NBAS: variants seen among roughly 807,000 people sequenced by gnomAD.
NBAS encodes the protein NAG/BC035112 fusion.
Under a neutral mutation model 302.5 loss-of-function variants are expected in NBAS, and 219 were observed. That is an observed-to-expected ratio of 0.72 (90% confidence interval 0.65 to 0.81). NBAS has a LOEUF of 0.81. NBAS is among the 30% of genes least tolerant of loss of function. The probability of loss-of-function intolerance (pLI) is 0.00; values close to 1 mark genes in which losing one functional copy is unlikely to be tolerated. For synonymous variants in NBAS, 1,118 were observed against 1,021.6 expected (o/e 1.09, Z -1.80); for missense variants, 2,932 against 2,841.6 (o/e 1.03, Z -0.72).
intron 25 of NBAS, among the ~76,000 whole-genome samples, chr2:15,404,075 T>A (rs1182700553): frequency 6.6e-6 from 1 of 152,132 alleles, no homozygotes; most frequent in Non-Finnish European, 1.5e-5. Context: ...GTACCATTTC[T>A]AAGTGTTTTG....
the NBAS span, among the ~76,000 whole-genome samples, chr2:14,954,265 G>A: frequency 6.6e-6 from 1 of 152,232 alleles, no homozygotes; most frequent in Admixed American, 6.5e-5. Context: ...GGTCTGCTAT[G>A]TGGAAAGTGT....
chr2:15,539,487 C>T, intron 6 of NBAS, 131 bp from the exon 7 acceptor site: 2 of 1,090,592 alleles, frequency 1.8e-6, no homozygotes, highest in South Asian at 1.4e-5. Flanking sequence ...TCTAATAAAG[C>T]TTCCCTCAAT....
chr2:15,131,862 C>T, the NBAS span, among the ~76,000 whole-genome samples: 3 of 152,254 alleles, frequency 2.0e-5, no homozygotes, highest in Non-Finnish European at 4.4e-5. Context: ...GCACATCACA[C>T]AGGGAGAGCA....
chr2:15,256,556 C>T (rs1230985298), intron 44 of NBAS, among the ~76,000 whole-genome samples: 1 of 152,100 alleles, frequency 6.6e-6, no homozygotes, highest in Non-Finnish European at 1.5e-5. Flanking sequence ...TCTTGTCTGA[C>T]TGCTCTGGCT....
intron 50 of NBAS, among the ~76,000 whole-genome samples, chr2:15,184,904 T>C (rs1407505955): frequency 6.6e-6 from 1 of 152,200 alleles, no homozygotes; most frequent in Non-Finnish European, 1.5e-5. Flanking sequence ...ATAAACTTCT[T>C]CAGACAATGA....
chr2:15,319,266 T>G (rs180944958), intron 38 of NBAS, among the ~76,000 whole-genome samples: 2 of 152,192 alleles, frequency 1.3e-5, no homozygotes, highest in Non-Finnish European at 2.9e-5. Context: ...GAGGGAACTT[T>G]ATAGCACTAA....
rs548300376 is a variant in NBAS, at chr2:15,478,851, A to G, written c.1084-562T>C. 4.9e-4 allele frequency among the ~76,000 whole-genome samples: 75 copies of G among 152,350 alleles called. 1 individual carries two copies. Among genetic ancestry groups the G allele is most frequent in the African/African-American group, 1.7e-3 (71 of 41,576 alleles). On this transcript the variant is annotated intron_variant, in intron 12 of 51. Transcript: ENST00000281513. ...TGGTGTCATGCTCTTCTTTGAGAAT[A>G]TAACAGCACATTGATATCTCTCAAA...
intron 12 of NBAS, among the ~76,000 whole-genome samples, chr2:15,488,612 C>T (rs759464147): frequency 1.3e-5 from 2 of 152,098 alleles, no homozygotes; most frequent in Non-Finnish European, 2.9e-5. Context: ...CCATTCTGTA[C>T]TTTTGAATGA....
At chr2:15,404,608 G>T (rs1041088849) in intron 25 of NBAS, among the ~76,000 whole-genome samples, 2 of 151,572 alleles carry the variant, frequency 1.3e-5, no homozygotes, top group Non-Finnish European at 2.9e-5. Flanking sequence ...CACCTCCCAG[G>T]TCCAAGCGAT....
chr2:14,812,502 A>T, the NBAS span, among the ~76,000 whole-genome samples: 8 of 152,316 alleles, frequency 5.3e-5, no homozygotes, highest in Middle Eastern at 3.4e-3. Flanking sequence ...AACATGTTCC[A>T]TAGTAGATAA....
the NBAS span, among the ~76,000 whole-genome samples, chr2:15,058,546 G>C: frequency 6.6e-6 from 1 of 152,160 alleles, no homozygotes; most frequent in Non-Finnish European, 1.5e-5. Context: ...ACAACATAAG[G>C]TTGAAGTTCC....
intron 28 of NBAS, among the ~76,000 whole-genome samples, chr2:15,384,159 T>C (rs928096054): frequency 2.2e-4 from 33 of 152,218 alleles, no homozygotes; most frequent in Admixed American, 1.4e-3. Flanking sequence ...TATAATCTGG[T>C]TGATTAAAAA....
rs776121825 is a variant in NBAS at position 15,167,158 on chromosome 2, C to T, written c.7006G>A (p.Glu2336Lys). The change falls in exon 52 of 52, where the codon GAG (glutamate) becomes AAG (lysine). Residue 2336 changes from glutamate to lysine, a missense_variant. By Grantham distance (56) the Glu-to-Lys change is moderately conservative. Coordinates refer to ENST00000281513, the MANE Select transcript of NBAS (RefSeq NM_015909.4). ...CCGGCTTCGGCTTCATGGCCGGCCT[C>T]CCGCAGGTGTCTGCCCAGCTCCTCT... ...DAEELGRHLREAGHEAEAGSL... is the reference protein window; with the variant it reads ...DAEELGRHLRKAGHEAEAGSL... 3.7e-6 allele frequency: 6 copies of T among 1,614,248 alleles called. No homozygotes were observed. The South Asian group carries it at 6.6e-5, about 18-fold the overall frequency.
the NBAS span, among the ~76,000 whole-genome samples, chr2:14,819,979 G>A: frequency 6.6e-6 from 1 of 152,138 alleles, no homozygotes; most frequent in African/African-American, 2.4e-5. Flanking sequence ...TTTCACCCCA[G>A]CTAAAATGGC....
intron 47 of NBAS, among the ~76,000 whole-genome samples, chr2:15,227,498 A>C (rs1667195208): frequency 6.6e-6 from 1 of 152,140 alleles, no homozygotes; most frequent in South Asian, 2.1e-4. Context: ...AGAAAAAAAA[A>C]ATCTTAAAAT....
At chr2:15,546,199 A>G (rs1389836095) in intron 6 of NBAS, among the ~76,000 whole-genome samples, 1 of 152,216 alleles carries the variant, frequency 6.6e-6, no homozygotes, top group East Asian at 1.9e-4. Flanking sequence ...TAACAGGTAC[A>G]GGAAAATGTC....
intron 40 of NBAS, among the ~76,000 whole-genome samples, chr2:15,294,343 G>A (rs1670451378): frequency 6.6e-6 from 1 of 152,156 alleles, no homozygotes. Flanking sequence ...CACCTATATG[G>A]CTAAGGCTTG....
intron 51 of NBAS, among the ~76,000 whole-genome samples, chr2:15,174,573 G>A (rs1308041805): frequency 1.3e-5 from 2 of 152,194 alleles, no homozygotes; most frequent in African/African-American, 2.4e-5. Flanking sequence ...ACAGCTAGGC[G>A]AGTTGTTGGG....
chr2:14,971,287 C>T, the NBAS span, among the ~76,000 whole-genome samples: 5 of 152,100 alleles, frequency 3.3e-5, no homozygotes, highest in East Asian at 1.9e-4. Context: ...GAGGCTGAGG[C>T]GGGTGGATCA....
Sources: allele counts gnomAD v4.1 joint callset (sites outside exome capture counted in the v4.1 genomes callset), GRCh38; gene constraint gnomAD v4.1.1; transcripts MANE v1.5; gene names NCBI Gene and HGNC (gene_info 2026-07-23, HGNC 2026-07-21).